The following BMP8A variants were observed in gnomAD, a reference collection of about 807,000 sequenced individuals.
BMP8A encodes BMP-8A.
A neutral mutation model predicts 36.8 loss-of-function variants in BMP8A; 14 were observed. The ratio of observed to expected loss-of-function variants is 0.38; its 90% CI spans 0.25 to 0.60. The LOEUF (loss-of-function observed/expected upper bound fraction) is 0.60, where lower values mean the gene tolerates loss of function less well. Among genes scored for constraint, BMP8A ranks in the 20% least tolerant of loss-of-function variants. BMP8A has a pLI of 0.63. For missense variants in BMP8A, 267 were observed against 551.1 expected, an observed-to-expected ratio of 0.48 and a Z score of 5.16; for synonymous variants, 120 against 237.7, an observed-to-expected ratio of 0.50 and a Z score of 4.55.
intron 1 of BMP8A, 101 bp from the exon 2 acceptor site, chr1:39,511,073 C>T: frequency 6.4e-7 from 1 of 1,556,484 alleles, no homozygotes; most frequent in Non-Finnish European, 8.7e-7. Flanking sequence ...TCCGCTCCAC[C>T]TTGAGTGGTG....
At chr1:39,515,364 C>A in intron 3 of BMP8A, 1 of 838,634 alleles carries the variant, frequency 1.2e-6, no homozygotes, top group Non-Finnish European at 1.8e-6. Context: ...GGAGCTCACG[C>A]CCCAGGGCAC....
rs1422065936 is a variant in BMP8A, at chr1:39,529,570, CCT to C, written c.*3773_*3774del. 2.0e-5 allele frequency among the ~76,000 whole-genome samples: 3 copies of C among 152,172 alleles called. No individual in the cohort carries two copies. Among genetic ancestry groups the C allele is most frequent in the African/African-American group, 7.2e-5 (3 of 41,436 alleles). On this transcript the variant is annotated 3_prime_UTR_variant, in exon 7 of 7. Coordinates refer to ENST00000331593, the MANE Select transcript of BMP8A (RefSeq NM_181809.4). ...AGCAAACAGTTGCCGCTCTCCACCCCCTGCTTTTTAAAAAAAATTTTTTCTCA... is the reference window on the plus strand; with the variant it reads ...AGCAAACAGTTGCCGCTCTCCACCCCGCTTTTTAAAAAAAATTTTTTCTCA...
rs1168007341 is a variant in BMP8A at position 39,526,446 on chromosome 1, C to G, written c.*648C>G. Among the ~76,000 whole-genome samples, 1 of 151,680 alleles carries G rather than the reference C, an allele frequency of 6.6e-6. No homozygotes were observed. Among genetic ancestry groups the G allele is most frequent in the Non-Finnish European group, 1.5e-5 (1 of 67,984 alleles). Reference sequence around the variant, plus strand: ...CTCTGCCTCCCAGGTTCAAGCAATTCTCGTGCCTCAGCCTCCTGAGTAGCT... The same window carrying G: ...CTCTGCCTCCCAGGTTCAAGCAATTGTCGTGCCTCAGCCTCCTGAGTAGCT... On this transcript the variant is annotated 3_prime_UTR_variant, in exon 7 of 7. Transcript: ENST00000331593.
At position 39,521,588 on chromosome 1, in the gene BMP8A, TG is replaced by T; in HGVS notation, c.868+22del. The T allele has an allele frequency of 1.1e-6, 1 of 883,522 alleles. No individual in the cohort carries two copies. Among genetic ancestry groups the T allele is most frequent in the Non-Finnish European group, 1.5e-6 (1 of 671,160 alleles). The allele number at this position is 883,522 out of a possible 1,614,324, so 54.7% of individuals were successfully genotyped here. On this transcript the variant is annotated intron_variant, in intron 4 of 6. Transcript: ENST00000331593. ...GATCTTTGGTGAGGGTCGGGCAGGCTGGGGCCGAGGCCCTGTGGGCTTCTGG... is the reference window on the plus strand; with the variant it reads ...GATCTTTGGTGAGGGTCGGGCAGGCTGGGCCGAGGCCCTGTGGGCTTCTGG...
intron 3 of BMP8A, chr1:39,514,914 A>G: frequency 6.9e-7 from 1 of 1,439,326 alleles, no homozygotes; most frequent in South Asian, 1.5e-5. Context: ...AGGCGCACGC[A>G]GGGCTCACAC....
intron 1 of BMP8A, among the ~76,000 whole-genome samples, chr1:39,506,790 CA>C (rs1314704215): frequency 1.3e-5 from 2 of 152,180 alleles, no homozygotes; most frequent in Non-Finnish European, 2.9e-5. Flanking sequence ...GACTTCCCTG[CA>C]AGCCTGTAAA....
At chr1:39,492,551 GC>G (rs1370635333) in intron 1 of BMP8A, among the ~76,000 whole-genome samples, 1 of 152,206 alleles carries the variant, frequency 6.6e-6, no homozygotes, top group African/African-American at 2.4e-5. Context: ...GGACTCCCAG[GC>G]GCTGCCTTCA....
intron 3 of BMP8A, among the ~76,000 whole-genome samples, chr1:39,520,291 C>T (rs918019804): frequency 6.7e-6 from 1 of 149,372 alleles, no homozygotes; most frequent in Admixed American, 6.8e-5. Flanking sequence ...ATGCCCAGCT[C>T]ATTTTTGTTT....
intron 1 of BMP8A, 82 bp downstream of exon 1, chr1:39,492,407 C>CGAGTAAG: frequency 7.1e-7 from 1 of 1,405,644 alleles, no homozygotes; most frequent in Non-Finnish European, 9.2e-7. Context: ...GGTGCCGGGC[C>CGAGTAAG]CTGGCCGAAC....
chr1:39,523,012 G>T lies in BMP8A; in HGVS notation c.954G>T (p.Trp318Cys). The T allele has an allele frequency of 6.2e-7, 1 of 1,608,898 alleles. No individual in the cohort carries two copies. Among genetic ancestry groups the T allele is most frequent in the African/African-American group, 1.3e-5 (1 of 74,962 alleles). Reference protein sequence around the residue: ...VSFQDLGWLDWVIAPQGYSAY... With the variant: ...VSFQDLGWLDCVIAPQGYSAY... ...CCTTCTCCCTTGCCCCCCAGGACTGGGTCATCGCCCCCCAAGGCTACTCAG... is the reference window on the plus strand; with the variant it reads ...CCTTCTCCCTTGCCCCCCAGGACTGTGTCATCGCCCCCCAAGGCTACTCAG... The change falls in exon 6 of 7, where the codon TGG (tryptophan) becomes TGT (cysteine). Residue 318 changes from tryptophan to cysteine, a missense_variant. Trp to Cys is a radical substitution (Grantham distance 215, BLOSUM62 -2). This residue lies in a region of BMP8A where 132 missense variants were observed against 151.3 expected (regional missense o/e 0.87). Transcript: ENST00000331593.
At position 39,528,793 on chromosome 1, in the gene BMP8A, T is replaced by G. The variant is rs1188184298; in HGVS notation, c.*2995T>G. Among the ~76,000 whole-genome samples the G allele has an allele frequency of 1.3e-5, 2 of 151,678 alleles. No homozygotes were observed. Among genetic ancestry groups the G allele is most frequent in the Non-Finnish European group, 2.9e-5 (2 of 67,964 alleles). On this transcript the variant is annotated 3_prime_UTR_variant, in exon 7 of 7. Transcript: ENST00000331593. ...GTCATGGCTCACTGCAGCCTCAACCTGCTGGGCTCAAGCAATCCTCCCACT... is the reference window on the plus strand; with the variant it reads ...GTCATGGCTCACTGCAGCCTCAACCGGCTGGGCTCAAGCAATCCTCCCACT...
intron 3 of BMP8A, among the ~76,000 whole-genome samples, chr1:39,513,810 G>A (rs1335827485): frequency 6.7e-6 from 1 of 150,280 alleles, no homozygotes; most frequent in African/African-American, 2.4e-5. Context: ...AGGGAAGGAG[G>A]GTAGTGATGG....
intron 1 of BMP8A, among the ~76,000 whole-genome samples, chr1:39,492,973 A>C (rs1282841498): frequency 6.6e-6 from 1 of 152,176 alleles, no homozygotes; most frequent in Non-Finnish European, 1.5e-5. Flanking sequence ...AGCTGGACCC[A>C]CTGTGTTCTC....
chr1:39,507,558 T>G (rs1645312609), intron 1 of BMP8A, among the ~76,000 whole-genome samples: 1 of 152,000 alleles, frequency 6.6e-6, no homozygotes, highest in Non-Finnish European at 1.5e-5. Context: ...TTTCCACGTG[T>G]GGGAACATGG....
intron 6 of BMP8A, chr1:39,523,444 G>A: frequency 1.6e-6 from 2 of 1,212,286 alleles, no homozygotes; most frequent in Non-Finnish European, 2.2e-6. Context: ...TGAAACAGAT[G>A]TGTACACTGT....
At chr1:39,514,923 A>G (rs1199807387) in intron 3 of BMP8A, 85 of 1,483,186 alleles carry the variant, frequency 5.7e-5, no homozygotes, top group Middle Eastern at 4.9e-4. Flanking sequence ...CAGGGCTCAC[A>G]CCACTTGTCC....
Position 39,492,067 on chromosome 1 carries a change from C to A in BMP8A, c.76C>A (p.Arg26=). The change falls in exon 1 of 7, where the codon CGA becomes AGA. Residue 26 remains arginine (R), a synonymous_variant. Transcript: ENST00000331593. ...GCTGGGCGGGGGCGGCCCCGGCCTG[C>A]GACCCCCGCCCGGCTGTCCCCAGCG... ...CALGGGGPGL[R]PPPGCPQRRL... The A allele has an allele frequency of 1.4e-5, 16 of 1,115,198 alleles. No homozygotes were observed. Among genetic ancestry groups the A allele is most frequent in the Non-Finnish European group, 1.7e-5 (16 of 915,426 alleles). The allele number at this position is 1,115,198 out of a possible 1,614,324, so 69.1% of individuals were successfully genotyped here.
Position 39,528,599 on chromosome 1 carries a change from C to T in BMP8A, c.*2801C>T, listed in dbSNP as rs548708274. On this transcript the variant is annotated 3_prime_UTR_variant, in exon 7 of 7. Coordinates refer to ENST00000331593, the MANE Select transcript of BMP8A (RefSeq NM_181809.4). ...GTCTTTACATAGGGACCGGGCGATGCGCTTTAGAGAAATTCCCTATTATTT... is the reference window on the plus strand; with the variant it reads ...GTCTTTACATAGGGACCGGGCGATGTGCTTTAGAGAAATTCCCTATTATTT... 2.3e-4 allele frequency among the ~76,000 whole-genome samples: 35 copies of T among 151,888 alleles called. No individual in the cohort carries two copies. The highest frequency in any genetic ancestry group is 1.7e-4 in the African/African-American group (7 of 41,406).
intron 6 of BMP8A, chr1:39,523,494 C>T (rs1410546465): frequency 1.1e-5 from 15 of 1,321,038 alleles, no homozygotes; most frequent in East Asian, 5.8e-5. Flanking sequence ...CCCCCGAGTA[C>T]GCTGGCAAGT....
Sources: allele counts gnomAD v4.1 joint callset (sites outside exome capture counted in the v4.1 genomes callset), GRCh38; gene constraint gnomAD v4.1.1; regional missense constraint gnomAD v4.1.1; transcripts MANE v1.5; gene names NCBI Gene and HGNC (gene_info 2026-07-23, HGNC 2026-07-21).